FNDC3B: variants seen among roughly 807,000 people sequenced by gnomAD.
FNDC3B encodes the protein fibronectin type III domain containing 3B.
A neutral mutation model predicts 151.5 loss-of-function variants in FNDC3B; 12 were observed. That is an observed-to-expected ratio of 0.08 (90% confidence interval 0.05 to 0.13). FNDC3B has a LOEUF of 0.13. FNDC3B is among the 10% of genes least tolerant of loss of function. The pLI, the probability that FNDC3B is intolerant of heterozygous loss-of-function variation, is 1.00. For missense variants in FNDC3B, 1,214 were observed against 1,505.3 expected, an observed-to-expected ratio of 0.81 and a Z score of 3.20; for synonymous variants, 528 against 549.0, an observed-to-expected ratio of 0.96 and a Z score of 0.54.
chr3:172,113,348 A>G (rs1181686222), intron 2 of FNDC3B, among the ~76,000 whole-genome samples: 27 of 152,212 alleles, frequency 1.8e-4, no homozygotes, highest in African/African-American at 2.4e-5. Context: ...TACCCAAAAT[A>G]TACTAATAAT....
chr3:172,292,599 G>C (rs894413735), intron 7 of FNDC3B, among the ~76,000 whole-genome samples: 3 of 152,162 alleles, frequency 2.0e-5, no homozygotes, highest in African/African-American at 7.2e-5. Flanking sequence ...TTTGAGACAT[G>C]GTTATTTCAC....
intron 1 of FNDC3B, among the ~76,000 whole-genome samples, chr3:172,050,868 A>G (rs1716614498): frequency 6.6e-6 from 1 of 151,868 alleles, no homozygotes; most frequent in African/African-American, 2.4e-5. Context: ...GTGGCCTACT[A>G]ATTTCTCTGG....
intron 14 of FNDC3B, among the ~76,000 whole-genome samples, chr3:172,334,049 C>T (rs576445625): frequency 6.6e-6 from 1 of 152,224 alleles, no homozygotes; most frequent in South Asian, 2.1e-4. Context: ...GACAAGTGTG[C>T]GTTTTGGAAG....
chr3:172,245,231 C>T (rs1274596375), intron 4 of FNDC3B, among the ~76,000 whole-genome samples: 3 of 151,966 alleles, frequency 2.0e-5, no homozygotes, highest in Admixed American at 6.5e-5. Flanking sequence ...TAAATTTTTT[C>T]GTTATAAATA....
At chr3:172,356,987 T>C (rs1034782794) in intron 22 of FNDC3B, among the ~76,000 whole-genome samples, 3 of 152,202 alleles carry the variant, frequency 2.0e-5, no homozygotes. Context: ...TCGAAAGTCA[T>C]TCTTCTTTTA....
At chr3:172,152,435 C>T (rs1722273075) in intron 3 of FNDC3B, among the ~76,000 whole-genome samples, 2 of 152,158 alleles carry the variant, frequency 1.3e-5, no homozygotes, top group Non-Finnish European at 2.9e-5. Context: ...TGTGTTTCCA[C>T]GGGTGTGTTG....
rs768897153 is a variant in FNDC3B, at chr3:172,336,591, C to G, written c.1781-739C>G. Among the ~76,000 whole-genome samples, 13 of 152,150 alleles carry G rather than the reference C, an allele frequency of 8.5e-5. 1 individual carries two copies. The highest frequency in any genetic ancestry group is 7.2e-4 in the Admixed American group (11 of 15,268). The stretch of plus-strand genomic sequence containing the variant: ...TAAATTTTGTACTTCTCTTTCCGTT[C>G]CTTTCCATCACTCAAAAGAATCTTG... On this transcript the variant is annotated intron_variant, in intron 15 of 25. Coordinates refer to ENST00000415807, the MANE Select transcript of FNDC3B (RefSeq NM_022763.4).
chr3:172,199,450 A>T (rs1282900880), intron 3 of FNDC3B, among the ~76,000 whole-genome samples: 1 of 152,116 alleles, frequency 6.6e-6, no homozygotes, highest in Non-Finnish European at 1.5e-5. Context: ...AAGTGCTGGG[A>T]TTACAGGTGT....
chr3:172,364,423 G>A (rs982387176), intron 23 of FNDC3B, among the ~76,000 whole-genome samples: 1 of 152,232 alleles, frequency 6.6e-6, no homozygotes, highest in African/African-American at 2.4e-5. Context: ...GTTGTTGAAA[G>A]TGGTAGCTAG....
chr3:172,133,851 T>C (rs1389339329), intron 3 of FNDC3B, among the ~76,000 whole-genome samples: 1 of 152,138 alleles, frequency 6.6e-6, no homozygotes, highest in African/African-American at 2.4e-5. Flanking sequence ...GGTAGGAAGT[T>C]TTCTACAGTT....
At chr3:172,166,222 A>G (rs1480606069) in intron 3 of FNDC3B, among the ~76,000 whole-genome samples, 1 of 152,192 alleles carries the variant, frequency 6.6e-6, no homozygotes, top group Non-Finnish European at 1.5e-5. Flanking sequence ...GGGCTTGTGA[A>G]CCTTTGACTT....
At chr3:172,316,838 G>A (rs572752923) in intron 11 of FNDC3B, among the ~76,000 whole-genome samples, 1 of 152,348 alleles carries the variant, frequency 6.6e-6, no homozygotes, top group Non-Finnish European at 1.5e-5. Context: ...TTGTGCTGCT[G>A]TAACAGAATA....
chr3:172,371,052 T>C (rs996842848), intron 23 of FNDC3B, among the ~76,000 whole-genome samples: 1 of 152,186 alleles, frequency 6.6e-6, no homozygotes, highest in Non-Finnish European at 1.5e-5. Context: ...TCCACCATTA[T>C]AGTATCACAC....
Position 172,161,470 on chromosome 3 carries a change from AG to A in FNDC3B, c.187+27925del, listed in dbSNP as rs1476611049. 2.0e-5 allele frequency among the ~76,000 whole-genome samples: 3 copies of A among 152,238 alleles called. No homozygotes were observed. In the East Asian group the frequency reaches 5.8e-4, roughly 29 times the overall value. On this transcript the variant is annotated intron_variant, in intron 3 of 25. Coordinates refer to ENST00000415807, the MANE Select transcript of FNDC3B (RefSeq NM_022763.4). ...TAAAGGCTAACATGGATTCTGGCCC[AG>A]CCTCTGATGAATAGAATCAAAACCT... is the stretch of plus-strand genomic sequence containing the variant.
rs374060244 is a variant in FNDC3B at position 172,040,966 on chromosome 3, C to A, written c.-29+1195C>A. On this transcript the variant is annotated intron_variant, in intron 1 of 25. Transcript: ENST00000415807. The surrounding 1 kb of genome is among the most constrained non-coding windows in gnomAD (Gnocchi z 6.6). ...GAGCTTTTGGAATCTCAGCTCCCAC[C>A]CTGCCATCCCAGACGAAGGGAAGCA... Among the ~76,000 whole-genome samples the A allele has an allele frequency of 6.6e-6, 1 of 152,200 alleles. No homozygotes were observed. Among genetic ancestry groups the A allele is most frequent in the Admixed American group, 6.5e-5 (1 of 15,290 alleles).
chr3:172,056,467 G>A (rs1207313970), intron 1 of FNDC3B, among the ~76,000 whole-genome samples: 1 of 152,126 alleles, frequency 6.6e-6, no homozygotes, highest in African/African-American at 2.4e-5. Context: ...CATATTTGGA[G>A]GGGACATGGG....
At chr3:172,095,000 G>A (rs1388923570) in intron 1 of FNDC3B, among the ~76,000 whole-genome samples, 2 of 151,836 alleles carry the variant, frequency 1.3e-5, no homozygotes, top group East Asian at 1.9e-4. Context: ...TGGTGGTAAT[G>A]GAAAGGAAGA....
At chr3:172,286,584 C>A (rs527256718) in intron 7 of FNDC3B, among the ~76,000 whole-genome samples, 121 of 152,300 alleles carry the variant, frequency 7.9e-4, no homozygotes, top group Middle Eastern at 6.8e-3. Flanking sequence ...AACCTTGATT[C>A]TGCATGTGTT....
intron 4 of FNDC3B, among the ~76,000 whole-genome samples, chr3:172,245,459 C>CT (rs539422917): frequency 3.3e-4 from 49 of 148,550 alleles, no homozygotes; most frequent in East Asian, 3.9e-4. Context: ...TGGAATATGC[C>CT]TTTTTTTTTT....
Sources: allele counts gnomAD v4.1 joint callset (sites outside exome capture counted in the v4.1 genomes callset), GRCh38; gene constraint gnomAD v4.1.1; non-coding constraint Gnocchi (gnomAD v3.1); transcripts MANE v1.5; gene names NCBI Gene and HGNC (gene_info 2026-07-23, HGNC 2026-07-21).